ZFHX3: variants seen among roughly 807,000 people sequenced by gnomAD.
ZFHX3 encodes the protein zinc finger homeobox 3, also known as zinc finger homeobox protein 3.
In ZFHX3, 42 loss-of-function variants were observed where a neutral mutation model predicts 279.1. That is an observed-to-expected ratio of 0.15 (90% confidence interval 0.12 to 0.19). The LOEUF is 0.19. Among genes scored for constraint, ZFHX3 ranks in the 10% least tolerant of loss-of-function variants. The probability of loss-of-function intolerance (pLI) is 1.00; values close to 1 mark genes in which losing one functional copy is unlikely to be tolerated. For synonymous variants in ZFHX3, 2,293 were observed against 1,957.8 expected, an observed-to-expected ratio of 1.17 and a Z score of -4.52; for missense variants, 4,981 against 4,754.0, an observed-to-expected ratio of 1.05 and a Z score of -1.40.
At chr16:72,908,752 C>G (rs1036584985) in intron 3 of ZFHX3, among the ~76,000 whole-genome samples, 1 of 152,136 alleles carries the variant, frequency 6.6e-6, no homozygotes, top group African/African-American at 2.4e-5. Context: ...CTAAAATCAG[C>G]ACGGCGATAC....
chr16:72,965,130 C>T (rs947175064), intron 1 of ZFHX3, among the ~76,000 whole-genome samples: 3 of 152,226 alleles, frequency 2.0e-5, no homozygotes, highest in African/African-American at 7.2e-5. Flanking sequence ...CTGCCCGCCT[C>T]GGCCTCCCAA....
At chr16:73,590,930 T>C (rs542326602) in intron 2 of ZFHX3, among the ~76,000 whole-genome samples, 1 of 152,224 alleles carries the variant, frequency 6.6e-6, no homozygotes, top group Admixed American at 6.5e-5. Flanking sequence ...ATCAAACCAG[T>C]ATCCAGCTAA....
intron 5 of ZFHX3, among the ~76,000 whole-genome samples, chr16:73,212,048 A>C (rs532624967): frequency 6.6e-6 from 1 of 152,290 alleles, no homozygotes; most frequent in South Asian, 2.1e-4. Context: ...CCTGAACATT[A>C]ATAATTCTTC....
intron 2 of ZFHX3, among the ~76,000 whole-genome samples, chr16:73,512,383 G>A (rs1426345267): frequency 6.6e-6 from 1 of 150,824 alleles, no homozygotes; most frequent in East Asian, 1.9e-4. Context: ...GGGAGGTGGA[G>A]GTTGCAGTGA....
chr16:72,907,570 T>C (rs1485789847), intron 3 of ZFHX3, among the ~76,000 whole-genome samples: 2 of 148,956 alleles, frequency 1.3e-5, no homozygotes, highest in East Asian at 3.9e-4. Flanking sequence ...TGTGTGTGTG[T>C]GTGTGTGTGT....
intron 1 of ZFHX3, among the ~76,000 whole-genome samples, chr16:73,847,082 A>C (rs142131230): frequency 0.023 from 3,397 of 144,622 alleles, 139 homozygotes; most frequent in African/African-American, 0.093. Context: ...CAGGAGGATC[A>C]CCTGAGGTCA....
chr16:73,202,806 A>G (rs1320417075), intron 5 of ZFHX3, among the ~76,000 whole-genome samples: 1 of 151,532 alleles, frequency 6.6e-6, no homozygotes, highest in African/African-American at 2.4e-5. Context: ...ACCCCCATCA[A>G]AGTCATGACC....
At chr16:73,215,573 G>A (rs2012174568) in intron 5 of ZFHX3, among the ~76,000 whole-genome samples, 1 of 152,184 alleles carries the variant, frequency 6.6e-6, no homozygotes, top group Non-Finnish European at 1.5e-5. Flanking sequence ...TGCAGTTTCA[G>A]AAGAGTTCTC....
chr16:73,018,341 C>T (rs1308841823), intron 1 of ZFHX3, among the ~76,000 whole-genome samples: 1 of 151,968 alleles, frequency 6.6e-6, no homozygotes, highest in South Asian at 2.1e-4. Flanking sequence ...GGTGTGGTGG[C>T]TCACGCCTGT....
At chr16:72,910,263 G>T (rs16971402) in intron 3 of ZFHX3, among the ~76,000 whole-genome samples, 4,503 of 152,262 alleles carry the variant, frequency 0.03, 79 homozygotes, top group Middle Eastern at 0.086. Flanking sequence ...ACGCCTTCCA[G>T]TAGCTGAAAA....
chr16:73,131,630 G>A (rs1008502236), intron 6 of ZFHX3, among the ~76,000 whole-genome samples: 10 of 152,146 alleles, frequency 6.6e-5, no homozygotes, highest in African/African-American at 2.4e-4. Context: ...AGAGGAGAGG[G>A]CGAAAGCATC....
intron 4 of ZFHX3, among the ~76,000 whole-genome samples, chr16:72,872,692 C>G (rs1459548319): frequency 6.6e-6 from 1 of 152,184 alleles, no homozygotes; most frequent in African/African-American, 2.4e-5. Flanking sequence ...CTCCTGACCT[C>G]AAGTGATCCA....
intron 5 of ZFHX3, among the ~76,000 whole-genome samples, chr16:73,216,107 G>C (rs976992434): frequency 6.6e-6 from 1 of 152,148 alleles, no homozygotes; most frequent in Non-Finnish European, 1.5e-5. Context: ...ACCAAAGCAG[G>C]CCTATAGATA....
upstream of ZFHX3, chr16:73,062,135 C>G (rs971899065): frequency 5.3e-5 from 8 of 151,732 alleles, no homozygotes; most frequent in Non-Finnish European, 1.2e-4. Flanking sequence ...ATTTAGCTGG[C>G]AAGAGGGCAG....
intron 3 of ZFHX3, among the ~76,000 whole-genome samples, chr16:73,370,389 T>C (rs1331457898): frequency 6.6e-6 from 1 of 152,142 alleles, no homozygotes; most frequent in Non-Finnish European, 1.5e-5. Flanking sequence ...TTAATGAAGG[T>C]TCGAGCATAT....
rs551185742 is a variant in ZFHX3 at position 73,323,162 on chromosome 16, T to C, written c.-1290-4826A>G. On this transcript the variant is annotated intron_variant, in intron 3 of 17. Transcript: ENST00000641206. ...GGGGTGGGGAATCATGAAAGGATAA[T>C]GGAAAGGATGGCCTTTCAGGAGGGC... 8.5e-5 allele frequency among the ~76,000 whole-genome samples: 13 copies of C among 152,142 alleles called. No homozygotes were observed. In the East Asian group the frequency reaches 2.5e-3, roughly 29 times the overall value.
At chr16:72,992,864 C>T (rs1185847518) in intron 1 of ZFHX3, among the ~76,000 whole-genome samples, 3 of 152,216 alleles carry the variant, frequency 2.0e-5, no homozygotes, top group Non-Finnish European at 2.9e-5. Flanking sequence ...AGGCCAGGCG[C>T]GATGGCCCCT....
intron 1 of ZFHX3, chr16:73,794,443 T>C (rs1959930928): frequency 6.6e-6 from 1 of 152,248 alleles, no homozygotes; most frequent in Admixed American, 6.5e-5. Flanking sequence ...CAAAGCCATC[T>C]AATCTAATGA....
intron 8 of ZFHX3, chr16:73,092,717 G>C (rs139391711): frequency 3.0e-6 from 1 of 333,338 alleles, no homozygotes; most frequent in Non-Finnish European, 5.9e-6. Context: ...CTCGCGCTCT[G>C]GGAGAGCGCT....
Sources: allele counts gnomAD v4.1 joint callset (sites outside exome capture counted in the v4.1 genomes callset), GRCh38; gene constraint gnomAD v4.1.1; transcripts MANE v1.5; gene names NCBI Gene and HGNC (gene_info 2026-07-23, HGNC 2026-07-21).